PCDHGB1: variants seen among roughly 807,000 people sequenced by gnomAD.
PCDHGB1 encodes the protein protocadherin gamma-B1.
A neutral mutation model predicts 56.6 loss-of-function variants in PCDHGB1; 34 were observed. The ratio of observed to expected loss-of-function variants is 0.60; its 90% confidence interval spans 0.46 to 0.80. The LOEUF (loss-of-function observed/expected upper bound fraction) is 0.80. PCDHGB1 is among the 30% of genes least tolerant of loss of function. The probability of loss-of-function intolerance (pLI) is 0.00; values close to 1 mark genes in which losing one functional copy is unlikely to be tolerated. For missense variants in PCDHGB1, 1,278 were observed against 1,204.6 expected (o/e 1.06, Z -0.90); for synonymous variants, 561 against 505.9 (o/e 1.11, Z -1.46).
At chr5:141,402,361 T>G (rs2094255838) in intron 1 of PCDHGB1, among the ~76,000 whole-genome samples, 1 of 151,992 alleles carries the variant, frequency 6.6e-6, no homozygotes, top group Admixed American at 6.6e-5. Flanking sequence ...ATGAATGTAC[T>G]TCCAAACAAG....
chr5:141,485,416 C>T lies in PCDHGB1; in HGVS notation c.2410-9391C>T, dbSNP rs1311879785. On this transcript the variant is annotated intron_variant, in intron 1 of 3. Coordinates refer to ENST00000523390, the MANE Select transcript of PCDHGB1 (RefSeq NM_018922.3). This position sits in a 1 kb window ranked among gnomAD's most constrained non-coding sequence, Gnocchi z 5.7. Reference sequence around the variant, plus strand: ...GACACTTCCGTGTGGATTTGGACAGCGGAGCCCTGCTCATCAAGAACCCAA... The same window carrying T: ...GACACTTCCGTGTGGATTTGGACAGTGGAGCCCTGCTCATCAAGAACCCAA... 10 of 1,613,988 alleles carry T rather than the reference C, an allele frequency of 6.2e-6. No individual in the cohort carries two copies. Among genetic ancestry groups the T allele is most frequent in the South Asian group, 4.4e-5 (4 of 91,086 alleles).
At chr5:141,408,266 C>G in intron 1 of PCDHGB1, 1 of 1,608,708 alleles carries the variant, frequency 6.2e-7, no homozygotes, top group Non-Finnish European at 8.5e-7. Flanking sequence ...TCCTTTGCTG[C>G]TGCCTTTGTT....
intron 1 of PCDHGB1, chr5:141,377,208 T>A (rs1773778688): frequency 6.6e-6 from 1 of 152,244 alleles, no homozygotes; most frequent in Non-Finnish European, 1.5e-5. Context: ...ATTGAGTACA[T>A]CTCGTTTCTT....
intron 1 of PCDHGB1, among the ~76,000 whole-genome samples, chr5:141,363,553 A>G (rs954649159): frequency 4.6e-5 from 7 of 152,274 alleles, no homozygotes; most frequent in African/African-American, 9.6e-5. Context: ...ATATTTGAAC[A>G]TGGTAATAGA....
At chr5:141,417,993 C>T (rs753867006) in intron 1 of PCDHGB1, 11 of 1,613,830 alleles carry the variant, frequency 6.8e-6, no homozygotes, top group Non-Finnish European at 7.6e-6. Flanking sequence ...GCCAAGGGCT[C>T]GGTGGTGGGG....
chr5:141,375,462 A>G, intron 1 of PCDHGB1: 2 of 1,613,908 alleles, frequency 1.2e-6, no homozygotes, highest in Non-Finnish European at 1.7e-6. Flanking sequence ...TACTCAGTCT[A>G]TGTCCTTGAA....
At chr5:141,372,484 C>T (rs1161994695) in intron 1 of PCDHGB1, 1 of 1,614,060 alleles carries the variant, frequency 6.2e-7, no homozygotes, top group Non-Finnish European at 8.5e-7. Context: ...GTGGCGTTGG[C>T]CTTGATCTCA....
chr5:141,508,725 G>C (rs1447443196), intron 3 of PCDHGB1, among the ~76,000 whole-genome samples: 1 of 151,788 alleles, frequency 6.6e-6, no homozygotes, highest in Non-Finnish European at 1.5e-5. Flanking sequence ...TGTGCAGGGA[G>C]ACTACACCCC....
At chr5:141,375,723 C>G in intron 1 of PCDHGB1, 1 of 1,614,274 alleles carries the variant, frequency 6.2e-7, no homozygotes, top group Non-Finnish European at 8.5e-7. Context: ...AGCAACGTGT[C>G]ACTGAGCCTG....
intron 1 of PCDHGB1, among the ~76,000 whole-genome samples, chr5:141,446,107 T>C (rs1031524158): frequency 6.6e-6 from 1 of 152,130 alleles, no homozygotes; most frequent in Admixed American, 6.5e-5. Flanking sequence ...TATAGATATA[T>C]TTAGGAAATG....
intron 2 of PCDHGB1, among the ~76,000 whole-genome samples, chr5:141,504,997 AC>A (rs554150488): frequency 9.9e-5 from 15 of 152,238 alleles, no homozygotes; most frequent in African/African-American, 2.9e-4. Flanking sequence ...CCCCGTCTGT[AC>A]TAAAAATACA....
intron 1 of PCDHGB1, chr5:141,404,213 A>G: frequency 6.2e-7 from 1 of 1,613,516 alleles, no homozygotes; most frequent in Non-Finnish European, 8.5e-7. Context: ...ATATAATATC[A>G]CGGTGACTGC....
At chr5:141,470,942 C>T (rs1156728317) in intron 1 of PCDHGB1, among the ~76,000 whole-genome samples, 1 of 152,020 alleles carries the variant, frequency 6.6e-6, no homozygotes, top group Non-Finnish European at 1.5e-5. Context: ...GTCTCAAATT[C>T]CTGGCCTCAA....
At chr5:141,461,273 C>A (rs1301916233) in intron 1 of PCDHGB1, among the ~76,000 whole-genome samples, 1 of 152,128 alleles carries the variant, frequency 6.6e-6, no homozygotes, top group Admixed American at 6.6e-5. Flanking sequence ...TAAGTGTTCT[C>A]TTTTCCCCAC....
intron 1 of PCDHGB1, chr5:141,398,805 T>C: frequency 1.2e-6 from 2 of 1,613,964 alleles, no homozygotes; most frequent in Non-Finnish European, 1.7e-6. Flanking sequence ...GCGGCACCAC[T>C]GAGCTCCGGA....
At position 141,489,876 on chromosome 5, in the gene PCDHGB1, T is replaced by C. The variant is rs2099693265; in HGVS notation, c.2410-4931T>C. ...CCCAGGCAAGACATCAGCTGGTGCT[T>C]ACTGCTGTGGATGGGGGGACCCCAG... On this transcript the variant is annotated intron_variant, in intron 1 of 3. Transcript: ENST00000523390. This position sits in a 1 kb window ranked among gnomAD's most constrained non-coding sequence, Gnocchi z 4.5. The C allele has an allele frequency of 6.2e-7, 1 of 1,614,098 alleles. No homozygotes were observed. The highest frequency in any genetic ancestry group is 1.1e-5 in the South Asian group (1 of 91,094).
chr5:141,370,357 C>G, intron 1 of PCDHGB1: 2 of 1,511,536 alleles, frequency 1.3e-6, no homozygotes, highest in East Asian at 2.3e-5. Flanking sequence ...AAGATCTCCT[C>G]TCCTCGGATT....
rs747585516 is a variant in PCDHGB1, at chr5:141,409,120, A to G, written c.2409+56451A>G. ...CAGGTATGATTAAGAATAACCAGTC[A>G]TTTGATTTTGAAGATGTAGAAAGGT... On this transcript the variant is annotated intron_variant, in intron 1 of 3. Transcript: ENST00000523390. 6 of 1,613,844 alleles carry G rather than the reference A, an allele frequency of 3.7e-6. No homozygotes were observed. The African/African-American group carries it at 8.0e-5, about 22-fold the overall frequency.
chr5:141,373,523 C>CA (rs1248195840), intron 1 of PCDHGB1, among the ~76,000 whole-genome samples: 5 of 151,934 alleles, frequency 3.3e-5, no homozygotes, highest in African/African-American at 7.3e-5. Flanking sequence ...ACTTTGTCTC[C>CA]AAAAAAGTGT....
Sources: allele counts gnomAD v4.1 joint callset (sites outside exome capture counted in the v4.1 genomes callset), GRCh38; gene constraint gnomAD v4.1.1; non-coding constraint Gnocchi (gnomAD v3.1); transcripts MANE v1.5; gene names NCBI Gene and HGNC (gene_info 2026-07-23, HGNC 2026-07-21).